PHACTR1: variants seen among roughly 807,000 people sequenced by gnomAD.
PHACTR1 encodes RPEL repeat containing 1.
A neutral mutation model predicts 69.2 loss-of-function variants in PHACTR1; 16 were observed. That is an observed-to-expected ratio of 0.23 (90% CI 0.16 to 0.35). PHACTR1 has a LOEUF of 0.35. PHACTR1 is among the 10% of genes least tolerant of loss of function. The probability of loss-of-function intolerance (pLI) is 1.00; values close to 1 mark genes in which losing one functional copy is unlikely to be tolerated. For missense variants in PHACTR1, 510 were observed against 734.7 expected (o/e 0.69, Z 3.54); for synonymous variants, 312 against 284.5 (o/e 1.10, Z -0.97).
chr6:12,757,738 G>T (rs1767504281), intron 4 of PHACTR1, among the ~76,000 whole-genome samples: 1 of 152,166 alleles, frequency 6.6e-6, no homozygotes, highest in Non-Finnish European at 1.5e-5. Flanking sequence ...TCATTTGGGG[G>T]CACGGAGGAT....
intron 4 of PHACTR1, among the ~76,000 whole-genome samples, chr6:12,996,712 T>G (rs930224351): frequency 6.6e-6 from 1 of 152,200 alleles, no homozygotes; most frequent in African/African-American, 2.4e-5. Context: ...ACAAATCTTT[T>G]TATTAGAGTG....
At chr6:13,161,630 C>T (rs998482007) in intron 6 of PHACTR1, among the ~76,000 whole-genome samples, 4 of 152,272 alleles carry the variant, frequency 2.6e-5, no homozygotes, top group African/African-American at 9.6e-5. Flanking sequence ...CTACATGCCT[C>T]GTGTGTTCTA....
chr6:13,001,946 T>A (rs961291971), intron 4 of PHACTR1, among the ~76,000 whole-genome samples: 1 of 152,200 alleles, frequency 6.6e-6, no homozygotes, highest in Non-Finnish European at 1.5e-5. Flanking sequence ...TCAAATTGAT[T>A]TGGATTTGAA....
intron 8 of PHACTR1, among the ~76,000 whole-genome samples, chr6:13,222,060 A>C (rs749906310): frequency 4.6e-5 from 7 of 151,142 alleles, no homozygotes; most frequent in Non-Finnish European, 8.9e-5. Context: ...ATGAACAAAG[A>C]CTCCATCTCG....
intron 4 of PHACTR1, among the ~76,000 whole-genome samples, chr6:12,999,786 G>A (rs182869155): frequency 2.6e-5 from 4 of 152,196 alleles, no homozygotes; most frequent in African/African-American, 9.6e-5. Context: ...GGTAGTAGTC[G>A]CCTCCAGGAA....
intron 4 of PHACTR1, among the ~76,000 whole-genome samples, chr6:12,846,590 G>A (rs746992384): frequency 4.6e-5 from 7 of 152,138 alleles, no homozygotes; most frequent in Non-Finnish European, 8.8e-5. Context: ...AGGTGTGGTA[G>A]GAACACTTGG....
chr6:12,912,123 G>A (rs1212468439), intron 4 of PHACTR1, among the ~76,000 whole-genome samples: 5 of 152,218 alleles, frequency 3.3e-5, no homozygotes, highest in East Asian at 1.9e-4. Flanking sequence ...TCAGCCTCTC[G>A]AGTAGCTGGA....
chr6:13,093,292 A>C (rs569324900), intron 5 of PHACTR1, among the ~76,000 whole-genome samples: 1 of 152,246 alleles, frequency 6.6e-6, no homozygotes, highest in African/African-American at 2.4e-5. Context: ...CCAGCCATGT[A>C]GTTTTGCATA....
intron 4 of PHACTR1, among the ~76,000 whole-genome samples, chr6:12,858,933 G>A (rs960186962): frequency 2.0e-5 from 3 of 152,056 alleles, no homozygotes; most frequent in Admixed American, 2.0e-4. Flanking sequence ...CTTCTTCAAT[G>A]TTAAGATGTG....
intron 3 of PHACTR1, among the ~76,000 whole-genome samples, chr6:12,731,800 C>T (rs146961417): frequency 2.0e-5 from 3 of 152,134 alleles, no homozygotes; most frequent in East Asian, 3.9e-4. Flanking sequence ...GTTATCTTGG[C>T]GACCATGGAA....
intron 4 of PHACTR1, among the ~76,000 whole-genome samples, chr6:12,981,269 G>A (rs968474284): frequency 5.9e-5 from 9 of 152,192 alleles, no homozygotes; most frequent in African/African-American, 2.2e-4. Flanking sequence ...TCAAAAAAAG[G>A]ATGCTAAAGA....
At position 12,950,023 on chromosome 6, in the gene PHACTR1, T is replaced by C. The variant is rs771693116; in HGVS notation, c.251-103342T>C. Among the ~76,000 whole-genome samples the C allele has an allele frequency of 7.2e-5, 11 of 152,248 alleles. 1 individual carries two copies. The highest frequency in any genetic ancestry group is 1.5e-4 in the Non-Finnish European group (10 of 68,042). Reference sequence around the variant, plus strand: ...GCTACTGGAGTGTCCCAAGTCTCTTTCACTGCATAACAAATCACCCCAGCA... The same window carrying C: ...GCTACTGGAGTGTCCCAAGTCTCTTCCACTGCATAACAAATCACCCCAGCA... On this transcript the variant is annotated intron_variant, in intron 4 of 14. Coordinates refer to ENST00000332995, the MANE Select transcript of PHACTR1 (RefSeq NM_030948.6).
intron 4 of PHACTR1, among the ~76,000 whole-genome samples, chr6:12,955,240 C>T (rs928149235): frequency 7.9e-6 from 1 of 126,762 alleles, no homozygotes; most frequent in African/African-American, 3.7e-5. Flanking sequence ...GCTTTGTTGC[C>T]CAGGCTGGAG....
At chr6:13,032,058 CATCAGGAAAAGCAATTCTAGAATATA>C (rs1412119164) in intron 4 of PHACTR1, among the ~76,000 whole-genome samples, 1 of 152,172 alleles carries the variant, frequency 6.6e-6, no homozygotes, top group African/African-American at 2.4e-5. Flanking sequence ...CAAATTTCAG[CATCAGGAAAAGCAATTCTAGAATATA>C]ATATGTTACC....
At chr6:12,851,537 G>A (rs976003993) in intron 4 of PHACTR1, among the ~76,000 whole-genome samples, 2 of 152,158 alleles carry the variant, frequency 1.3e-5, no homozygotes, top group African/African-American at 2.4e-5. Context: ...CCTTAATTAC[G>A]CAAGCACCCA....
intron 4 of PHACTR1, among the ~76,000 whole-genome samples, chr6:12,904,333 A>T (rs941079388): frequency 1.3e-5 from 2 of 152,060 alleles, no homozygotes; most frequent in Non-Finnish European, 2.9e-5. Flanking sequence ...GGAGTTCAAG[A>T]CCAGCCTGCC....
chr6:12,940,512 C>T (rs1487541960), intron 4 of PHACTR1, among the ~76,000 whole-genome samples: 1 of 152,096 alleles, frequency 6.6e-6, no homozygotes, highest in Non-Finnish European at 1.5e-5. Flanking sequence ...ATGTTTGCCC[C>T]AGAAGTCAGT....
Position 13,256,593 on chromosome 6 carries a change from G to C in PHACTR1, c.1392-16267G>C, listed in dbSNP as rs1274160459. ...ATTAGAAGCAGCCAGGCTACATTTT[G>C]AATTTGGCTGCTTAGAAATTTCTTC... On this transcript the variant is annotated intron_variant, in intron 10 of 14. Transcript: ENST00000332995. Among the ~76,000 whole-genome samples, 6 of 152,280 alleles carry C rather than the reference G, an allele frequency of 3.9e-5. No homozygotes were observed. The East Asian group carries it at 1.2e-3, about 29-fold the overall frequency.
intron 4 of PHACTR1, among the ~76,000 whole-genome samples, chr6:12,966,368 C>G (rs1793500927): frequency 6.6e-6 from 1 of 152,184 alleles, no homozygotes; most frequent in Non-Finnish European, 1.5e-5. Context: ...GACAGTGAGG[C>G]TCAAAGAAGT....
Sources: gnomAD v4.1 joint callset for allele counts (sites outside exome capture counted in the v4.1 genomes callset) on GRCh38, gnomAD v4.1.1 for gene constraint, MANE v1.5 for transcripts, NCBI Gene and HGNC (gene_info 2026-07-23, HGNC 2026-07-21) for gene names.